Variants in GAK observed in about 807,000 individuals in gnomAD.
The protein encoded by GAK is cyclin-G-associated kinase.
GAK carries 79 observed loss-of-function variants against 143.9 expected under a neutral mutation model. The observed-to-expected ratio is 0.55, with a 90% confidence interval of 0.46 to 0.66. GAK has a LOEUF of 0.66. GAK is among the 30% of genes least tolerant of loss of function. The pLI is 0.00. For synonymous variants in GAK, 881 were observed against 765.5 expected, an observed-to-expected ratio of 1.15 and a Z score of -2.49; for missense variants, 1,693 against 1,779.7, an observed-to-expected ratio of 0.95 and a Z score of 0.88.
intron 15 of GAK, among the ~76,000 whole-genome samples, chr4:879,419 CT>C (rs1277445478): frequency 6.6e-6 from 1 of 152,118 alleles, no homozygotes; most frequent in Non-Finnish European, 1.5e-5. Context: ...CTTTTTTCTT[CT>C]TTTCGCCTTC....
At chr4:880,592 C>G (rs113364826) in intron 15 of GAK, among the ~76,000 whole-genome samples, 1 of 152,196 alleles carries the variant, frequency 6.6e-6, no homozygotes, top group Non-Finnish European at 1.5e-5. Flanking sequence ...AGGCTTCACT[C>G]GCCCACTGAG....
At chr4:888,813 C>T (rs373375980) in intron 11 of GAK, 34 bp downstream of exon 11, 13 of 1,581,486 alleles carry the variant, frequency 8.2e-6, no homozygotes, top group South Asian at 3.5e-5. Flanking sequence ...AACGAGCGTG[C>T]GGCAGGTCCA....
At chr4:903,396 G>A (rs887571282) in intron 5 of GAK, among the ~76,000 whole-genome samples, 11 of 152,208 alleles carry the variant, frequency 7.2e-5, no homozygotes, top group Admixed American at 6.5e-4. Flanking sequence ...CTCCCCTCAA[G>A]CTGAGTAGGC....
At chr4:916,637 C>T (rs532795436) in intron 1 of GAK, among the ~76,000 whole-genome samples, 5 of 152,234 alleles carry the variant, frequency 3.3e-5, no homozygotes, top group African/African-American at 4.8e-5. Flanking sequence ...AGACTTAAAC[C>T]GCGAAGATAG....
At chr4:918,002 G>C (rs560959875) in intron 1 of GAK, among the ~76,000 whole-genome samples, 5 of 152,310 alleles carry the variant, frequency 3.3e-5, no homozygotes, top group Non-Finnish European at 5.9e-5. Flanking sequence ...ATTGCTTGAA[G>C]TTAGCATAAC....
At chr4:873,677 C>T (rs1443495876) in intron 18 of GAK, among the ~76,000 whole-genome samples, 9 of 152,202 alleles carry the variant, frequency 5.9e-5, no homozygotes, top group Admixed American at 2.6e-4. Context: ...CTTGGTCTAT[C>T]CCACCTGATA....
chr4:909,215 C>T (rs1028261803), intron 4 of GAK, among the ~76,000 whole-genome samples: 1 of 152,266 alleles, frequency 6.6e-6, no homozygotes, highest in African/African-American at 2.4e-5. Flanking sequence ...ACAAGTAACA[C>T]CACGAGCGGG....
intron 9 of GAK, among the ~76,000 whole-genome samples, chr4:892,845 C>T (rs1326501562): frequency 2.6e-5 from 4 of 152,220 alleles, no homozygotes; most frequent in Non-Finnish European, 5.9e-5. Context: ...GCCTGCAAAC[C>T]TCAAGGAGGC....
Position 878,129 on chromosome 4 carries a change from G to A in GAK, c.1662-320C>T, listed in dbSNP as rs545780987. 3.9e-5 allele frequency among the ~76,000 whole-genome samples: 6 copies of A among 152,196 alleles called. No homozygotes were observed. In the South Asian group the frequency reaches 1.0e-3, roughly 26 times the overall value. ...TTTGAGGCCAGGCGCGGTGGCTCAC[G>A]CCTGTAATCCTAGCACTTTGGGAGG... On this transcript the variant is annotated intron_variant, in intron 15 of 27. Transcript: ENST00000314167.
intron 18 of GAK, chr4:872,317 TG>T (rs1189732274): frequency 6.6e-6 from 1 of 152,092 alleles, no homozygotes; most frequent in Non-Finnish European, 1.5e-5. Context: ...TGGGCGGAGG[TG>T]GCCACGGCCG....
At position 885,026 on chromosome 4, in the gene GAK, C is replaced by T. The variant is rs571544342; in HGVS notation, c.1206-940G>A. On this transcript the variant is annotated intron_variant, in intron 11 of 27. Transcript: ENST00000314167. ...TGACATAGGATGCGGGTCTTCCGTGCGTTCAAACGTTTTAAAAGCCGTCTA... is the reference window on the plus strand; with the variant it reads ...TGACATAGGATGCGGGTCTTCCGTGTGTTCAAACGTTTTAAAAGCCGTCTA... Among the ~76,000 whole-genome samples the T allele has an allele frequency of 5.9e-5, 9 of 152,006 alleles. No individual in the cohort carries two copies. The South Asian group carries it at 1.0e-3, about 18-fold the overall frequency.
rs1224498747 is a variant in GAK, at chr4:877,640, T to C, written c.1831A>G (p.Thr611Ala). Residue 611 changes from threonine (T) to alanine (A), a missense_variant, in exon 16 of 28, where the codon ACC becomes GCC. Physicochemically the swap from Thr to Ala is moderately conservative, Grantham distance 58. Around this residue, in one of 2 missense-constraint regions of GAK, gnomAD observed 871 missense variants for 991.0 expected, o/e 0.88. Transcript: ENST00000314167. ...CGCATCTTGTCGTACTCCTGGGAGG[T>C]GCTGGCCACACGCTCGTCCCCCACG... ...VYVGDERVAS[T>A]SQEYDKMRDF... The C allele has an allele frequency of 2.1e-5, 33 of 1,600,320 alleles. No individual in the cohort carries two copies. Among genetic ancestry groups the C allele is most frequent in the Non-Finnish European group, 2.8e-5 (33 of 1,172,172 alleles).
intron 1 of GAK, among the ~76,000 whole-genome samples, chr4:922,232 C>T (rs1054674395): frequency 4.6e-5 from 7 of 152,084 alleles, no homozygotes; most frequent in Non-Finnish European, 8.8e-5. Flanking sequence ...AAGGCAGCAT[C>T]GGCCGGGCGC....
chr4:896,867 G>T (rs924964349), intron 6 of GAK, among the ~76,000 whole-genome samples: 1 of 152,252 alleles, frequency 6.6e-6, no homozygotes. Flanking sequence ...TGAGGAGAAG[G>T]GTGTCTCACC....
intron 1 of GAK, among the ~76,000 whole-genome samples, chr4:926,436 A>G (rs1724757329): frequency 6.6e-6 from 1 of 152,158 alleles, no homozygotes; most frequent in Non-Finnish European, 1.5e-5. Context: ...TGGGGCTCCC[A>G]GCCCCCACTC....
rs113215101 is a variant in GAK at position 865,246 on chromosome 4, T to G, written c.3044-2A>C. The G allele has an allele frequency of 4.3e-6, 7 of 1,613,012 alleles. No individual in the cohort carries two copies. Among genetic ancestry groups the G allele is most frequent in the Non-Finnish European group, 5.9e-6 (7 of 1,179,820 alleles). ...TGCTGGGCTCTCCTGGCAGATCCCCTGGGAAGAAGGAACCAGAAGAGAGCA... is the reference window on the plus strand; with the variant it reads ...TGCTGGGCTCTCCTGGCAGATCCCCGGGGAAGAAGGAACCAGAAGAGAGCA... On this transcript the variant is annotated splice_acceptor_variant, in intron 22 of 27. Transcript: ENST00000314167. LOFTEE classifies it high-confidence loss of function.
intron 23 of GAK, among the ~76,000 whole-genome samples, chr4:860,163 T>C (rs1335733777): frequency 6.6e-6 from 1 of 152,030 alleles, no homozygotes; most frequent in African/African-American, 2.4e-5. Flanking sequence ...CGGTGGTTCA[T>C]GCATGTGGTC....
intron 19 of GAK, chr4:870,067 T>C (rs996362182): frequency 6.5e-6 from 1 of 154,008 alleles, no homozygotes; most frequent in African/African-American, 2.4e-5. Context: ...AGATACACAG[T>C]ACACATGAAT....
At chr4:871,363 C>A (rs1302251701) in intron 18 of GAK, among the ~76,000 whole-genome samples, 1 of 152,234 alleles carries the variant, frequency 6.6e-6, no homozygotes, top group African/African-American at 2.4e-5. Context: ...CACTACCCAG[C>A]ACACACAGAC....
Sources: allele counts gnomAD v4.1 joint callset (sites outside exome capture counted in the v4.1 genomes callset), GRCh38; gene constraint gnomAD v4.1.1; regional missense constraint gnomAD v4.1.1; transcripts MANE v1.5; gene names NCBI Gene and HGNC (gene_info 2026-07-23, HGNC 2026-07-21).